Variants in TBC1D24 observed in about 807,000 individuals in gnomAD.
The protein encoded by TBC1D24 is Infantile myoclonic epilepsy.
TBC1D24 carries 47 observed loss-of-function variants against 50.7 expected under a neutral mutation model. That is an observed-to-expected ratio of 0.93 (90% CI 0.73 to 1.18). The LOEUF is 1.18. Ranked by LOEUF, TBC1D24 falls within the 50% of genes most tolerant of loss-of-function variation. TBC1D24 has a pLI of 0.00. For missense variants in TBC1D24, 688 were observed against 766.5 expected (o/e 0.90, Z 1.21); for synonymous variants, 324 against 335.2 (o/e 0.97, Z 0.36).
Position 2,500,504 on chromosome 16 carries a change from G to C in TBC1D24, c.1525+14G>C. 6.5e-7 allele frequency: 1 copy of C among 1,549,948 alleles called. No individual in the cohort carries two copies. The highest frequency in any genetic ancestry group is 8.7e-7 in the Non-Finnish European group (1 of 1,148,594). ...GCCTCATCGTCGGTGAGCGCCAGCA[G>C]ACGGGGCTCTGGGATGAGGGTGTGG... On this transcript the variant is annotated intron_variant, in intron 7 of 7. Coordinates refer to ENST00000646147, the MANE Select transcript of TBC1D24 (RefSeq NM_001199107.2). This position sits in a 1 kb window ranked among gnomAD's most constrained non-coding sequence, Gnocchi z 8.0.
At chr16:2,495,605 C>T (rs991379007) in intron 1 of TBC1D24, among the ~76,000 whole-genome samples, 1 of 152,316 alleles carries the variant, frequency 6.6e-6, no homozygotes, top group African/African-American at 2.4e-5. Flanking sequence ...TGGTGAAACC[C>T]TGTCTCTAGT....
rs1352709692 is a variant in TBC1D24 at position 2,475,823 on chromosome 16, G to T, written c.-116+653G>T. Among the ~76,000 whole-genome samples, 1 of 152,146 alleles carries T rather than the reference G, an allele frequency of 6.6e-6. No homozygotes were observed. The highest frequency in any genetic ancestry group is 1.5e-5 in the Non-Finnish European group (1 of 68,006). ...GCCCCACCTGGGCTGGGCTGCACCT[G>T]TTCCCGCCCCCTCCAGGCGGGAGTC... is the stretch of plus-strand genomic sequence containing the variant. On this transcript the variant is annotated intron_variant, in intron 1 of 7. Transcript: ENST00000646147. This position sits in a 1 kb window ranked among gnomAD's most constrained non-coding sequence, Gnocchi z 4.2.
At chr16:2,495,187 TA>T (rs777121679) in intron 1 of TBC1D24, among the ~76,000 whole-genome samples, 3 of 152,102 alleles carry the variant, frequency 2.0e-5, no homozygotes, top group Admixed American at 1.3e-4. Context: ...ATCTCGTCTC[TA>T]CTAAAAAGAG....
chr16:2,487,066 G>T lies in TBC1D24; in HGVS notation c.-115-8968G>T, dbSNP rs765694718. Among the ~76,000 whole-genome samples the T allele has an allele frequency of 1.3e-4, 20 of 152,220 alleles. No homozygotes were observed. Among genetic ancestry groups the T allele is most frequent in the Non-Finnish European group, 2.4e-4 (16 of 68,038 alleles). On this transcript the variant is annotated intron_variant, in intron 1 of 7. Coordinates refer to ENST00000646147, the MANE Select transcript of TBC1D24 (RefSeq NM_001199107.2). This position sits in a 1 kb window ranked among gnomAD's most constrained non-coding sequence, Gnocchi z 4.1. ...AGACTTTCCTCCTACCCCGTGTGGG[G>T]ACACCCGCCTCTTAGCGCATCCCAG...
Position 2,501,020 on chromosome 16 carries a change from C to T in TBC1D24, c.*62C>T, listed in dbSNP as rs936126741. On this transcript the variant is annotated 3_prime_UTR_variant, in exon 8 of 8. Coordinates refer to ENST00000646147, the MANE Select transcript of TBC1D24 (RefSeq NM_001199107.2). ...GTGGGCCGAGGCTGGGCTGCCGCCT[C>T]GGGCAGCAGAGAGCAGATGAAACCC... The T allele has an allele frequency of 8.8e-6, 14 of 1,592,738 alleles. No homozygotes were observed. The highest frequency in any genetic ancestry group is 6.8e-5 in the Admixed American group (4 of 58,936).
rs72481039 is a variant in TBC1D24, at chr16:2,494,441, G to A, written c.-115-1593G>A. On this transcript the variant is annotated intron_variant, in intron 1 of 7. Transcript: ENST00000646147. ...AAAAAAAAAAAGGGAGAACTAGAACGAAGCATCTCTTTGCTCAAAGTGATC... is the reference window on the plus strand; with the variant it reads ...AAAAAAAAAAAGGGAGAACTAGAACAAAGCATCTCTTTGCTCAAAGTGATC... Among the ~76,000 whole-genome samples, 101 of 151,516 alleles carry A rather than the reference G, an allele frequency of 6.7e-4. 1 individual carries two copies. In the East Asian group the frequency reaches 9.3e-3, roughly 14 times the overall value.
chr16:2,501,196 GC>G lies in TBC1D24; in HGVS notation c.*242del, dbSNP rs1439024652. 5 of 590,630 alleles carry G rather than the reference GC, an allele frequency of 8.5e-6. No individual in the cohort carries two copies. In the African/African-American group the frequency reaches 9.3e-5, roughly 11 times the overall value. The allele number at this position is 590,630 out of a possible 1,614,324, so 36.6% of individuals were successfully genotyped here. On this transcript the variant is annotated 3_prime_UTR_variant, in exon 8 of 8. Transcript: ENST00000646147. Reference sequence around the variant, plus strand: ...AGCTGGAGGGCCTGCTGTGCCCCCAGCCCCACCCAGAGCTGGCATAGGAAGT... The same window carrying G: ...AGCTGGAGGGCCTGCTGTGCCCCCAGCCCACCCAGAGCTGGCATAGGAAGT...
chr16:2,499,404 A>C lies in TBC1D24; in HGVS notation c.1190A>C (p.Lys397Thr). Residue 397 changes from lysine (K) to threonine (T), a missense_variant, in exon 5 of 8, where the codon AAG (lysine) becomes ACG (threonine). Transcript: ENST00000646147. The surrounding 1 kb of genome is among the most constrained non-coding windows in gnomAD (Gnocchi z 4.0). ...EGHEPTLLLI[K>T]TTQKEVCGAY... is the part of the protein sequence containing the mutation. ...CATGAGCCTACCCTCTTGCTCATCA[A>C]GACCACGCAGAAGGAGGTGAGCAGG... 1 of 1,613,644 alleles carries C rather than the reference A, an allele frequency of 6.2e-7. No individual in the cohort carries two copies. The highest frequency in any genetic ancestry group is 8.5e-7 in the Non-Finnish European group (1 of 1,179,860).
Position 2,485,122 on chromosome 16 carries a change from C to T in TBC1D24, c.-116+9952C>T, listed in dbSNP as rs553370309. 6.6e-6 allele frequency: 1 copy of T among 152,326 alleles called. No individual in the cohort carries two copies. The highest frequency in any genetic ancestry group is 6.5e-5 in the Admixed American group (1 of 15,280). 9.4% of individuals were successfully genotyped at this position (152,326 alleles called of 1,614,324 possible). A position where few individuals can be genotyped will look rare whatever the true frequency, so the allele number is the denominator to read the frequency against. On this transcript the variant is annotated intron_variant, in intron 1 of 7. Coordinates refer to ENST00000646147, the MANE Select transcript of TBC1D24 (RefSeq NM_001199107.2). This position sits in a 1 kb window ranked among gnomAD's most constrained non-coding sequence, Gnocchi z 4.6. ...GTGAAATATCTATTTGGTCTTTGTC[C>T]TTGTTTAGTGACATACAACTCCTGA...
At chr16:2,476,988 T>C (rs575578815) in intron 1 of TBC1D24, 1 of 152,378 alleles carries the variant, frequency 6.6e-6, no homozygotes, top group African/African-American at 2.4e-5. Context: ...ATTAAATGTT[T>C]GCCTTTAGAT....
chr16:2,504,627 G>C lies in TBC1D24; in HGVS notation c.*3669G>C, dbSNP rs930198867. The C allele has an allele frequency of 6.6e-6, 1 of 151,956 alleles. No homozygotes were observed. Among genetic ancestry groups the C allele is most frequent in the African/African-American group, 2.4e-5 (1 of 41,336 alleles). 9.4% of individuals were successfully genotyped at this position (151,956 alleles called of 1,614,324 possible). A position where few individuals can be genotyped will look rare whatever the true frequency, so the allele number is the denominator to read the frequency against. On this transcript the variant is annotated 3_prime_UTR_variant, in exon 8 of 8. Transcript: ENST00000646147. ...GTAGAGATGGGGTTTCACCGTGTTA[G>C]CCAGGATGGTCTTGATCTCCTGACC...
chr16:2,484,614 A>G (rs2065634795), intron 1 of TBC1D24: 1 of 152,270 alleles, frequency 6.6e-6, no homozygotes, highest in Non-Finnish European at 1.5e-5. Flanking sequence ...CCTAGGAGGC[A>G]CTCAGGAGAA....
In TBC1D24 at chr16:2,496,626, G is replaced by T. The variant is rs1277641753; in HGVS notation, c.478G>T (p.Ala160Ser). ...CTTCGAGAAGGCCTGCCGCATCCTG[G>T]CCTGCAATGACCCCGGCAGGAGGCT... Reference protein sequence around the residue: ...ECFEKACRILACNDPGRRLID... With the variant: ...ECFEKACRILSCNDPGRRLID... Residue 160 changes from alanine (A) to serine (S), a missense_variant, in exon 2 of 8, where the codon GCC becomes TCC. Physicochemically the swap from Ala to Ser is moderately conservative, Grantham distance 99. Transcript: ENST00000646147. 2 of 1,611,750 alleles carry T rather than the reference G, an allele frequency of 1.2e-6. No individual in the cohort carries two copies. The highest frequency in any genetic ancestry group is 1.7e-6 in the Non-Finnish European group (2 of 1,180,028).
rs758299397 is a variant in TBC1D24 at position 2,496,735 on chromosome 16, A to G, written c.587A>G (p.Lys196Arg). Residue 196 changes from lysine to arginine, a missense_variant, in exon 2 of 8, where the codon AAG becomes AGG. By Grantham distance (26) the Lys-to-Arg change is conservative. Coordinates refer to ENST00000646147, the MANE Select transcript of TBC1D24 (RefSeq NM_001199107.2). ...LVNKYCQAAHKLMVAVSEDVL... is the reference protein window; with the variant it reads ...LVNKYCQAAHRLMVAVSEDVL... ...AACAAGTACTGCCAGGCGGCCCACA[A>G]GCTGATGGTGGCCGTGTCGGAGGAT... is the stretch of plus-strand genomic sequence containing the variant. 1.2e-6 allele frequency: 2 copies of G among 1,613,844 alleles called. No homozygotes were observed. Among genetic ancestry groups the G allele is most frequent in the Admixed American group, 3.3e-5 (2 of 60,030 alleles).
Position 2,504,453 on chromosome 16 carries a change from C to G in TBC1D24, c.*3495C>G, listed in dbSNP as rs1464457076. The G allele has an allele frequency of 2.3e-5, 3 of 132,644 alleles. No homozygotes were observed. The highest frequency in any genetic ancestry group is 4.6e-5 in the Non-Finnish European group (3 of 65,400). The allele number at this position is 132,644 out of a possible 1,614,324, so 8.2% of individuals were successfully genotyped here. On this transcript the variant is annotated 3_prime_UTR_variant, in exon 8 of 8. Coordinates refer to ENST00000646147, the MANE Select transcript of TBC1D24 (RefSeq NM_001199107.2). ...TTTTTTTTTGAGACAGAGTCTCGCT[C>G]TGTCGCCCAGGCTGGAGTGCAGTGG...
At chr16:2,484,306 G>A (rs2065632603) in intron 1 of TBC1D24, 1 of 152,302 alleles carries the variant, frequency 6.6e-6, no homozygotes, top group South Asian at 2.1e-4. Context: ...CTATCGGGAT[G>A]GAGTGGTGAG....
In TBC1D24 at chr16:2,486,230, G is replaced by T. The variant is rs752851346; in HGVS notation, c.-115-9804G>T. 6.6e-6 allele frequency among the ~76,000 whole-genome samples: 1 copy of T among 152,206 alleles called. No homozygotes were observed. The highest frequency in any genetic ancestry group is 1.5e-5 in the Non-Finnish European group (1 of 68,034). Reference sequence around the variant, plus strand: ...CTGCATCTCCTATCACGTGAAGCCCGCAGGGGCCACAGCACCTCCTTCCTG... The same window carrying T: ...CTGCATCTCCTATCACGTGAAGCCCTCAGGGGCCACAGCACCTCCTTCCTG... On this transcript the variant is annotated intron_variant, in intron 1 of 7. Coordinates refer to ENST00000646147, the MANE Select transcript of TBC1D24 (RefSeq NM_001199107.2). The surrounding 1 kb of genome is among the most constrained non-coding windows in gnomAD (Gnocchi z 5.8).
chr16:2,490,834 C>G (rs2065689564), intron 1 of TBC1D24, among the ~76,000 whole-genome samples: 1 of 152,246 alleles, frequency 6.6e-6, no homozygotes, highest in Non-Finnish European at 1.5e-5. Flanking sequence ...TCCCCTCTCA[C>G]TCCCTCCCCG....
intron 1 of TBC1D24, among the ~76,000 whole-genome samples, chr16:2,476,353 G>C (rs1229488795): frequency 6.6e-6 from 1 of 152,284 alleles, no homozygotes; most frequent in Non-Finnish European, 1.5e-5. Context: ...TGTTTGCTCA[G>C]TTGCGGCGAA....
Sources: gnomAD v4.1 joint callset for allele counts (sites outside exome capture counted in the v4.1 genomes callset) on GRCh38, gnomAD v4.1.1 for gene constraint, Gnocchi (gnomAD v3.1) non-coding constraint, MANE v1.5 for transcripts, NCBI Gene and HGNC (gene_info 2026-07-23, HGNC 2026-07-21) for gene names.